LRBA: variants seen among roughly 807,000 people sequenced by gnomAD.
LRBA encodes the protein lipopolysaccharide-responsive and beige-like anchor protein.
In LRBA, 176 loss-of-function variants were observed where a neutral mutation model predicts 330.0. That is an observed-to-expected ratio of 0.53 (90% CI 0.47 to 0.60). The LOEUF is 0.60. Among genes scored for constraint, LRBA ranks in the 20% least tolerant of loss-of-function variants. The probability of loss-of-function intolerance (pLI) is 0.00; values close to 1 mark genes in which losing one functional copy is unlikely to be tolerated. For synonymous variants in LRBA, 1,230 were observed against 1,193.0 expected, an observed-to-expected ratio of 1.03 and a Z score of -0.64; for missense variants, 3,259 against 3,444.8, an observed-to-expected ratio of 0.95 and a Z score of 1.35.
chr4:150,720,171 G>C (rs1191701611), intron 36 of LRBA, among the ~76,000 whole-genome samples: 5 of 151,910 alleles, frequency 3.3e-5, no homozygotes, highest in Admixed American at 1.3e-4. Flanking sequence ...TCTGCACAGA[G>C]CATTCTAAGA....
intron 17 of LRBA, among the ~76,000 whole-genome samples, chr4:150,891,855 T>C (rs1729504323): frequency 6.6e-6 from 1 of 152,202 alleles, no homozygotes. Flanking sequence ...GAATCTGTTA[T>C]AGAAGATCAA....
Position 150,916,482 on chromosome 4 carries a change from T to TC in LRBA, c.812dup (p.Gly272ArgfsTer22). The TC allele has an allele frequency of 6.2e-7, 1 of 1,613,796 alleles. No homozygotes were observed. The highest frequency in any genetic ancestry group is 8.5e-7 in the Non-Finnish European group (1 of 1,179,840). On this transcript the variant is annotated frameshift_variant, in exon 7 of 57. Transcript: ENST00000651943. LOFTEE classifies it high-confidence loss of function. The stretch of plus-strand genomic sequence containing the variant: ...TTATTGATGTTACAATCAAACAGCC[T>TC]CCAACAAAATGAGCAGAATAGCCAA...
intron 28 of LRBA, among the ~76,000 whole-genome samples, chr4:150,842,352 T>C (rs1007054910): frequency 3.3e-5 from 5 of 152,148 alleles, no homozygotes; most frequent in African/African-American, 4.8e-5. Flanking sequence ...AGTGACACAA[T>C]CATAGCTCAC....
At chr4:150,499,972 CA>C (rs1185640547) in intron 40 of LRBA, among the ~76,000 whole-genome samples, 5 of 151,846 alleles carry the variant, frequency 3.3e-5, no homozygotes, top group African/African-American at 9.7e-5. Context: ...AGGTGGGAAG[CA>C]AGGAACATGG....
chr4:150,862,679 A>T (rs1026249451), intron 22 of LRBA, among the ~76,000 whole-genome samples: 6 of 23,780 alleles, frequency 2.5e-4, no homozygotes, highest in East Asian at 1.5e-3. Context: ...AGTATAATTT[A>T]AAAAAAAAAA....
chr4:150,595,129 G>C (rs367793288), intron 38 of LRBA, among the ~76,000 whole-genome samples: 46 of 152,010 alleles, frequency 3.0e-4, no homozygotes, highest in African/African-American at 1.1e-3. Flanking sequence ...TTCTGAACAG[G>C]ACACATAAAG....
chr4:150,422,872 C>A, intron 46 of LRBA: 1 of 1,115,386 alleles, frequency 9.0e-7, no homozygotes, highest in Non-Finnish European at 1.4e-6. Context: ...ACCAGGGCCT[C>A]CTAACATGGA....
chr4:150,860,306 C>T (rs1471032766), intron 22 of LRBA, among the ~76,000 whole-genome samples: 1 of 152,066 alleles, frequency 6.6e-6, no homozygotes, highest in Non-Finnish European at 1.5e-5. Flanking sequence ...AATGTTTTAG[C>T]ATGTATTTTT....
chr4:150,358,085 G>T lies in LRBA; in HGVS notation c.7195-7926C>A, dbSNP rs1243723673. On this transcript the variant is annotated intron_variant, in intron 47 of 56. Transcript: ENST00000651943. ...ATGGAATCCAGGTATGTAACTCTCA[G>T]AGGGACTGAGTTAATCCTGAGATAG... 2.0e-5 allele frequency among the ~76,000 whole-genome samples: 3 copies of T among 152,078 alleles called. No homozygotes were observed. In the East Asian group the frequency reaches 5.8e-4, roughly 29 times the overall value.
intron 40 of LRBA, among the ~76,000 whole-genome samples, chr4:150,494,547 T>C (rs1328522814): frequency 2.0e-5 from 3 of 152,218 alleles, no homozygotes; most frequent in Non-Finnish European, 4.4e-5. Context: ...TACAGCATTG[T>C]TACAAGATTT....
intron 2 of LRBA, among the ~76,000 whole-genome samples, chr4:150,949,938 T>A (rs116193824): frequency 6.6e-6 from 1 of 152,098 alleles, no homozygotes; most frequent in Admixed American, 6.5e-5. Flanking sequence ...TATATTGATA[T>A]CACACAGAGT....
intron 47 of LRBA, among the ~76,000 whole-genome samples, chr4:150,382,466 T>A (rs1488788462): frequency 6.6e-6 from 1 of 151,890 alleles, no homozygotes; most frequent in Non-Finnish European, 1.5e-5. Context: ...CTACTAAAAA[T>A]ACAAAAATTA....
At chr4:150,746,969 T>C (rs957391907) in intron 35 of LRBA, among the ~76,000 whole-genome samples, 1 of 152,174 alleles carries the variant, frequency 6.6e-6, no homozygotes, top group Non-Finnish European at 1.5e-5. Context: ...CTTTCTAAAA[T>C]GAAAATCTGA....
intron 53 of LRBA, among the ~76,000 whole-genome samples, chr4:150,289,927 G>A (rs113003943): frequency 3.6e-3 from 550 of 152,292 alleles, no homozygotes; most frequent in African/African-American, 0.012. Context: ...TGAGGGTAGC[G>A]GGGATAATCG....
chr4:150,699,229 G>A (rs969473812), intron 36 of LRBA, among the ~76,000 whole-genome samples: 2 of 152,090 alleles, frequency 1.3e-5, no homozygotes, highest in African/African-American at 4.8e-5. Flanking sequence ...AAAGGGAGAC[G>A]ACCTGGGGAA....
chr4:150,399,931 G>A (rs1258430970), intron 47 of LRBA, among the ~76,000 whole-genome samples: 2 of 152,274 alleles, frequency 1.3e-5, no homozygotes, highest in South Asian at 2.1e-4. Context: ...GGCGGAGATC[G>A]CACCACTGCA....
intron 37 of LRBA, among the ~76,000 whole-genome samples, chr4:150,612,825 CCAT>C (rs1387366590): frequency 2.0e-5 from 3 of 151,968 alleles, no homozygotes; most frequent in Non-Finnish European, 4.4e-5. Flanking sequence ...AAAATCCACA[CCAT>C]AAGAAAAGTA....
At chr4:150,989,144 A>T (rs1159648591) in intron 2 of LRBA, among the ~76,000 whole-genome samples, 2 of 151,920 alleles carry the variant, frequency 1.3e-5, no homozygotes, top group Non-Finnish European at 2.9e-5. Flanking sequence ...CTAGGACTAC[A>T]GGCACGCACC....
intron 53 of LRBA, among the ~76,000 whole-genome samples, 179 bp downstream of exon 53, chr4:150,302,446 T>C (rs749831229): frequency 7.2e-5 from 11 of 152,196 alleles, no homozygotes; most frequent in Admixed American, 1.3e-4. Context: ...GCTTAGATTT[T>C]AATTATCAAT....
Sources: allele counts gnomAD v4.1 joint callset (sites outside exome capture counted in the v4.1 genomes callset), GRCh38; gene constraint gnomAD v4.1.1; transcripts MANE v1.5; gene names NCBI Gene and HGNC (gene_info 2026-07-23, HGNC 2026-07-21).